The following NRXN2 variants were observed in gnomAD, a reference collection of about 807,000 sequenced individuals.
NRXN2 encodes neurexin-2-beta.
NRXN2 carries 29 observed loss-of-function variants against 128.8 expected under a neutral mutation model. That is an observed-to-expected ratio of 0.23 (90% CI 0.17 to 0.31). NRXN2 has a LOEUF of 0.31. Ranked by LOEUF, NRXN2 falls within the 10% of genes least tolerant of loss-of-function variation. The pLI is 1.00. For missense variants in NRXN2, 1,881 were observed against 2,452.6 expected (o/e 0.77, Z 4.92); for synonymous variants, 1,098 against 1,075.2 (o/e 1.02, Z -0.41).
At chr11:64,700,620 A>AC (rs2055203411) in intron 2 of NRXN2, among the ~76,000 whole-genome samples, 1 of 152,230 alleles carries the variant, frequency 6.6e-6, no homozygotes, top group Non-Finnish European at 1.5e-5. Context: ...AGGTCATCGT[A>AC]GCCTCTGGCC....
At chr11:64,673,044 C>A (rs2050831938) in intron 7 of NRXN2, among the ~76,000 whole-genome samples, 1 of 152,208 alleles carries the variant, frequency 6.6e-6, no homozygotes, top group Admixed American at 6.5e-5. Context: ...CAGGCTTACT[C>A]TGAGCACCAA....
chr11:64,671,134 T>G (rs936349193), intron 7 of NRXN2, among the ~76,000 whole-genome samples: 11 of 152,102 alleles, frequency 7.2e-5, no homozygotes, highest in African/African-American at 2.7e-4. Flanking sequence ...CACTCCCATG[T>G]GCTCCCTACC....
intron 22 of NRXN2, among the ~76,000 whole-genome samples, chr11:64,619,228 G>A (rs1244918651): frequency 6.6e-6 from 1 of 151,958 alleles, no homozygotes; most frequent in Non-Finnish European, 1.5e-5. Context: ...GAAGTCTCCA[G>A]CAGCCCAAGC....
In NRXN2 at chr11:64,660,453, C is replaced by T. The variant is rs756315724; in HGVS notation, c.2268G>A (p.Val756=). ...PNAMHTEAED[V]SLRFMSQRAY... ...CCCGCTGGGACATGAAACGCAGGGA[C>T]ACATCCTCTGCCTCCGTGTGCATGG... The change falls in exon 11 of 23, where the codon GTG becomes GTA. Residue 756 remains valine (V), a synonymous_variant. Coordinates refer to ENST00000265459, the MANE Select transcript of NRXN2 (RefSeq NM_015080.4). This position sits in a 1 kb window ranked among gnomAD's most constrained non-coding sequence, Gnocchi z 5.2. 4.6e-5 allele frequency: 75 copies of T among 1,614,192 alleles called. 2 individuals carry two copies. Among genetic ancestry groups the T allele is most frequent in the Middle Eastern group, 3.3e-4 (2 of 6,062 alleles).
rs1406732329 is a variant in NRXN2 at position 64,655,322 on chromosome 11, G to A, written c.2390-1600C>T. On this transcript the variant is annotated intron_variant, in intron 11 of 22. Transcript: ENST00000265459. The stretch of plus-strand genomic sequence containing the variant: ...AAAAGGTCAAAAGGCAGACACAGAG[G>A]GAAGTGAGAAGTCTCAGTGAGAGGA... 2.6e-5 allele frequency among the ~76,000 whole-genome samples: 4 copies of A among 152,222 alleles called. No homozygotes were observed. The East Asian group carries it at 7.7e-4, about 29-fold the overall frequency.
intron 11 of NRXN2, among the ~76,000 whole-genome samples, chr11:64,656,455 G>T (rs1441791176): frequency 7.5e-6 from 1 of 133,164 alleles, no homozygotes; most frequent in South Asian, 2.3e-4. Context: ...CACTAAGAAA[G>T]AACCACTCAA....
intron 19 of NRXN2, 40 bp from the exon 20 acceptor site, chr11:64,626,592 C>G: frequency 6.7e-7 from 1 of 1,491,010 alleles, no homozygotes; most frequent in Non-Finnish European, 9.4e-7. Flanking sequence ...TCTCAGGCAG[C>G]GAAGTCCAAA....
At chr11:64,720,854 G>C (rs1224902330) in intron 1 of NRXN2, among the ~76,000 whole-genome samples, 1 of 152,136 alleles carries the variant, frequency 6.6e-6, no homozygotes, top group Non-Finnish European at 1.5e-5. Context: ...TGGAAGGAGA[G>C]GGTGTGTTGC....
In NRXN2 at chr11:64,630,588, G is replaced by A. The variant is rs1284796370; in HGVS notation, c.3586-15C>T. ...GTGCCCTGGTCCTGGGGACATGGAG[G>A]TGGAGGTCAGCGACCAGAGGGAGCA... On this transcript the variant is annotated splice_polypyrimidine_tract_variant and intron_variant, in intron 18 of 22. Transcript: ENST00000265459. The surrounding 1 kb of genome is among the most constrained non-coding windows in gnomAD (Gnocchi z 4.6). The A allele has an allele frequency of 1.9e-6, 3 of 1,613,636 alleles. No homozygotes were observed. Among genetic ancestry groups the A allele is most frequent in the Admixed American group, 1.7e-5 (1 of 60,022 alleles).
intron 2 of NRXN2, among the ~76,000 whole-genome samples, chr11:64,709,034 A>G (rs982965371): frequency 2.6e-5 from 4 of 152,094 alleles, no homozygotes; most frequent in Admixed American, 2.0e-4. Flanking sequence ...TCTACTAAAA[A>G]TACAAAAATT....
chr11:64,709,475 G>C (rs2056683292), intron 2 of NRXN2, among the ~76,000 whole-genome samples: 1 of 152,074 alleles, frequency 6.6e-6, no homozygotes, highest in Non-Finnish European at 1.5e-5. Flanking sequence ...GGAACAAATA[G>C]AAGAAGAAAT....
intron 17 of NRXN2, among the ~76,000 whole-genome samples, chr11:64,641,592 G>A (rs1473771459): frequency 6.6e-6 from 1 of 151,940 alleles, no homozygotes; most frequent in African/African-American, 2.4e-5. Flanking sequence ...GAGATGGCAT[G>A]CAGAGAATCT....
In NRXN2 at chr11:64,648,577, C is replaced by A. The variant is rs1456034781; in HGVS notation, c.3283+157G>T. Among the ~76,000 whole-genome samples, 1 of 152,232 alleles carries A rather than the reference C, an allele frequency of 6.6e-6. No individual in the cohort carries two copies. The highest frequency in any genetic ancestry group is 2.4e-5 in the African/African-American group (1 of 41,466). On this transcript the variant is annotated intron_variant, in intron 16 of 22. Transcript: ENST00000265459. This position sits in a 1 kb window ranked among gnomAD's most constrained non-coding sequence, Gnocchi z 4.1. ...GGGAGGGCAAGTGACCCTTCACACA[C>A]CTGTATCCCTGCCCCAGAACTGTGG... is the stretch of plus-strand genomic sequence containing the variant.
In NRXN2 at chr11:64,642,239, T is replaced by C. The variant is rs372194960; in HGVS notation, c.3403+5980A>G. 4.8e-5 allele frequency among the ~76,000 whole-genome samples: 7 copies of C among 147,170 alleles called. No homozygotes were observed. In the East Asian group the frequency reaches 1.2e-3, roughly 25 times the overall value. ...GAAAGGACAGACAGGGCGGGGAGGG[T>C]AAGGAAGTAGAAGGAGATAATGAAC... On this transcript the variant is annotated intron_variant, in intron 17 of 22. Coordinates refer to ENST00000265459, the MANE Select transcript of NRXN2 (RefSeq NM_015080.4).
At chr11:64,614,973 G>C (rs963446495) in intron 22 of NRXN2, among the ~76,000 whole-genome samples, 12 of 152,190 alleles carry the variant, frequency 7.9e-5, no homozygotes, top group Admixed American at 2.6e-4. Context: ...AGAGTGAAAC[G>C]GATCCTTGAT....
chr11:64,625,986 T>C (rs2043017950), intron 20 of NRXN2, among the ~76,000 whole-genome samples: 1 of 152,184 alleles, frequency 6.6e-6, no homozygotes, highest in South Asian at 2.1e-4. Context: ...ATGGCTCTGG[T>C]GAAGCCTTCC....
At chr11:64,712,468 C>T (rs539123322) in intron 2 of NRXN2, among the ~76,000 whole-genome samples, 20 of 151,638 alleles carry the variant, frequency 1.3e-4, no homozygotes, top group Non-Finnish European at 2.5e-4. Flanking sequence ...CCCACCCACA[C>T]TGGCCTTTCC....
intron 2 of NRXN2, among the ~76,000 whole-genome samples, chr11:64,698,135 T>C (rs927690914): frequency 2.6e-5 from 4 of 152,106 alleles, no homozygotes; most frequent in Non-Finnish European, 2.9e-5. Context: ...GGAGTGGCAG[T>C]CAGGCTTCTC....
intron 2 of NRXN2, among the ~76,000 whole-genome samples, chr11:64,711,297 G>A (rs1336079337): frequency 6.6e-6 from 1 of 152,246 alleles, no homozygotes; most frequent in Admixed American, 6.5e-5. Flanking sequence ...CAACCGCTGA[G>A]TGGCCCACAG....
Sources: gnomAD v4.1 joint callset for allele counts (sites outside exome capture counted in the v4.1 genomes callset) on GRCh38, gnomAD v4.1.1 for gene constraint, Gnocchi (gnomAD v3.1) non-coding constraint, MANE v1.5 for transcripts, NCBI Gene and HGNC (gene_info 2026-07-23, HGNC 2026-07-21) for gene names.